The following DGKB variants were observed in gnomAD, a reference collection of about 807,000 sequenced individuals.
DGKB encodes diacylglycerol kinase beta.
Under a neutral mutation model 114.3 loss-of-function variants are expected in DGKB, and 67 were observed. The observed-to-expected ratio is 0.59, with a 90% CI of 0.48 to 0.72. The LOEUF (loss-of-function observed/expected upper bound fraction) is 0.72, where lower values mean the gene tolerates loss of function less well. Among genes scored for constraint, DGKB ranks in the 30% least tolerant of loss-of-function variants. The pLI, the probability that DGKB is intolerant of heterozygous loss-of-function variation, is 0.00. For missense variants in DGKB, 907 were observed against 975.2 expected (o/e 0.93, Z 0.93); for synonymous variants, 398 against 323.1 (o/e 1.23, Z -2.49).
At chr7:14,490,872 T>A (rs2128931813) in intron 20 of DGKB, among the ~76,000 whole-genome samples, 1 of 152,138 alleles carries the variant, frequency 6.6e-6, no homozygotes, top group South Asian at 2.1e-4. Flanking sequence ...ATGACAAAAC[T>A]TTGTATTTAT....
chr7:14,693,364 T>C (rs1428963136), intron 9 of DGKB, among the ~76,000 whole-genome samples: 1 of 152,000 alleles, frequency 6.6e-6, no homozygotes, highest in African/African-American at 2.4e-5. Flanking sequence ...CTGCTTCAAG[T>C]CTGGGTCAGC....
chr7:14,678,808 ACTAGG>A (rs1446983671), intron 12 of DGKB, among the ~76,000 whole-genome samples: 1 of 152,010 alleles, frequency 6.6e-6, no homozygotes, highest in Non-Finnish European at 1.5e-5. Context: ...AAGAGCTTGC[ACTAGG>A]GCTGCGAATG....
intron 21 of DGKB, among the ~76,000 whole-genome samples, chr7:14,425,768 T>C (rs1279574678): frequency 1.3e-5 from 2 of 152,152 alleles, no homozygotes; most frequent in Non-Finnish European, 2.9e-5. Context: ...TATCTTATAA[T>C]TAGACTTGCA....
intron 23 of DGKB, among the ~76,000 whole-genome samples, chr7:14,243,698 C>G (rs1273741030): frequency 6.6e-6 from 1 of 152,164 alleles, no homozygotes; most frequent in African/African-American, 2.4e-5. Flanking sequence ...AATCTCTCCT[C>G]TTAATATTAC....
intron 19 of DGKB, among the ~76,000 whole-genome samples, chr7:14,576,399 T>C (rs1304751158): frequency 6.6e-6 from 1 of 151,696 alleles, no homozygotes; most frequent in African/African-American, 2.4e-5. Context: ...CCCAAATAAA[T>C]TATATACATA....
intron 21 of DGKB, among the ~76,000 whole-genome samples, chr7:14,444,614 T>C (rs1391143573): frequency 6.6e-6 from 1 of 151,896 alleles, no homozygotes; most frequent in East Asian, 1.9e-4. Flanking sequence ...ACAATATAAA[T>C]AACATCTGAT....
intron 20 of DGKB, among the ~76,000 whole-genome samples, chr7:14,529,999 C>A (rs900341617): frequency 6.6e-6 from 1 of 151,590 alleles, no homozygotes; most frequent in Non-Finnish European, 1.5e-5. Flanking sequence ...AAAGTGAAAT[C>A]AAAATGGACT....
At chr7:14,841,768 T>C (rs1173649656) in intron 1 of DGKB, among the ~76,000 whole-genome samples, 2 of 152,210 alleles carry the variant, frequency 1.3e-5, no homozygotes, top group Non-Finnish European at 2.9e-5. Context: ...CCTATACATA[T>C]GATTTGCTAG....
At chr7:14,312,460 G>C (rs111841841) in intron 23 of DGKB, among the ~76,000 whole-genome samples, 1 of 152,288 alleles carries the variant, frequency 6.6e-6, no homozygotes, top group Admixed American at 6.5e-5. Context: ...TGCCTTGTTC[G>C]TTGCTATGAA....
intron 21 of DGKB, among the ~76,000 whole-genome samples, chr7:14,458,863 C>A (rs1832682019): frequency 6.6e-6 from 1 of 152,290 alleles, no homozygotes; most frequent in African/African-American, 2.4e-5. Context: ...ACCGTTCACT[C>A]TCCTGGAAAG....
At chr7:14,525,479 AG>A (rs1327756499) in intron 20 of DGKB, among the ~76,000 whole-genome samples, 1 of 152,192 alleles carries the variant, frequency 6.6e-6, no homozygotes, top group Non-Finnish European at 1.5e-5. Context: ...AGTGTTATCA[AG>A]TTGTCCCCAC....
chr7:14,435,932 G>A (rs146773935), intron 21 of DGKB, among the ~76,000 whole-genome samples: 44 of 152,108 alleles, frequency 2.9e-4, no homozygotes, highest in East Asian at 5.8e-4. Flanking sequence ...TCTATGGCAC[G>A]TAGATATTCT....
chr7:14,379,800 T>C (rs568539266), intron 21 of DGKB, among the ~76,000 whole-genome samples: 1 of 152,114 alleles, frequency 6.6e-6, no homozygotes, highest in Admixed American at 6.5e-5. Context: ...CCTCGTGATC[T>C]GCCCGCCTCG....
chr7:14,268,995 T>G (rs1035893196), intron 23 of DGKB: 14 of 152,298 alleles, frequency 9.2e-5, no homozygotes, highest in African/African-American at 3.4e-4. Context: ...GAGTCTGTCA[T>G]GATGATTCAG....
chr7:14,368,573 C>CTGTG (rs3069084), intron 21 of DGKB, among the ~76,000 whole-genome samples: 71,136 of 148,522 alleles, frequency 0.48, 17,855 homozygotes, highest in Non-Finnish European at 0.56. Context: ...GGTATTTTCT[C>CTGTG]TGTGTGTGTG....
chr7:14,179,032 A>G (rs1782237922), intron 23 of DGKB, among the ~76,000 whole-genome samples: 1 of 152,242 alleles, frequency 6.6e-6, no homozygotes, highest in South Asian at 2.1e-4. Context: ...ACAGAGCCAA[A>G]AAGTGAACCT....
chr7:14,880,078 C>T (rs1853983680), intron 1 of DGKB, among the ~76,000 whole-genome samples: 1 of 152,040 alleles, frequency 6.6e-6, no homozygotes, highest in African/African-American at 2.4e-5. Context: ...GTGGTAATTT[C>T]AGGAAAGTGA....
At chr7:14,692,597 C>G (rs1450384756) in intron 9 of DGKB, among the ~76,000 whole-genome samples, 1 of 151,416 alleles carries the variant, frequency 6.6e-6, no homozygotes, top group African/African-American at 2.4e-5. Flanking sequence ...TAAAAAAATA[C>G]TCAGTTATGT....
At chr7:14,869,395 T>A (rs1395422778) in intron 1 of DGKB, among the ~76,000 whole-genome samples, 1 of 152,198 alleles carries the variant, frequency 6.6e-6, no homozygotes, top group Non-Finnish European at 1.5e-5. Context: ...TTAAAGGTTT[T>A]CTTTTATTTT....
Sources: allele counts gnomAD v4.1 joint callset (sites outside exome capture counted in the v4.1 genomes callset), GRCh38; gene constraint gnomAD v4.1.1; transcripts MANE v1.5; gene names NCBI Gene and HGNC (gene_info 2026-07-23, HGNC 2026-07-21).